CACHD1: variants seen among roughly 807,000 people sequenced by gnomAD.
CACHD1 encodes the protein cache domain containing 1.
Under a neutral mutation model 138.7 loss-of-function variants are expected in CACHD1, and 71 were observed. The ratio of observed to expected loss-of-function variants is 0.51; its 90% CI spans 0.42 to 0.62. CACHD1 has a LOEUF of 0.62. Among genes scored for constraint, CACHD1 ranks in the 20% least tolerant of loss-of-function variants. CACHD1 has a pLI of 0.00. For synonymous variants in CACHD1, 578 were observed against 591.5 expected, an observed-to-expected ratio of 0.98 and a Z score of 0.33; for missense variants, 1,389 against 1,625.3, an observed-to-expected ratio of 0.85 and a Z score of 2.50.
chr1:64,578,878 C>T (rs1236262347), intron 2 of CACHD1, among the ~76,000 whole-genome samples: 1 of 152,130 alleles, frequency 6.6e-6, no homozygotes, highest in Middle Eastern at 3.2e-3. Flanking sequence ...CTAGTAGAAG[C>T]CATCATAAGC....
At chr1:64,605,249 G>A (rs560038677) in intron 4 of CACHD1, among the ~76,000 whole-genome samples, 1 of 152,248 alleles carries the variant, frequency 6.6e-6, no homozygotes, top group East Asian at 1.9e-4. Flanking sequence ...ACAAGCATGA[G>A]CCACCGTGCC....
intron 6 of CACHD1, 97 bp from the exon 7 acceptor site, chr1:64,633,947 C>T: frequency 1.2e-6 from 1 of 862,434 alleles, no homozygotes; most frequent in South Asian, 1.8e-5. Context: ...TTCTGTAGGC[C>T]TTCTTACTCC....
At chr1:64,637,538 C>T (rs1318341429) in intron 7 of CACHD1, among the ~76,000 whole-genome samples, 2 of 152,220 alleles carry the variant, frequency 1.3e-5, no homozygotes, top group Non-Finnish European at 2.9e-5. Context: ...CATTCCTGCA[C>T]TGCACATGAG....
chr1:64,654,124 A>C (rs1649190530), intron 11 of CACHD1, among the ~76,000 whole-genome samples: 1 of 152,188 alleles, frequency 6.6e-6, no homozygotes, highest in Non-Finnish European at 1.5e-5. Context: ...TTTTATGTTC[A>C]CATTGACTTT....
chr1:64,488,022 C>T (rs1646253526), intron 1 of CACHD1, among the ~76,000 whole-genome samples: 1 of 152,260 alleles, frequency 6.6e-6, no homozygotes, highest in Admixed American at 6.5e-5. Flanking sequence ...TTTGACCAAT[C>T]TCTGTTTGTC....
At chr1:64,548,391 A>G (rs1646733621) in intron 1 of CACHD1, among the ~76,000 whole-genome samples, 1 of 152,250 alleles carries the variant, frequency 6.6e-6, no homozygotes, top group Admixed American at 6.5e-5. Context: ...GTTACTTTTA[A>G]TACAAATGTA....
rs747006545 is a variant in CACHD1 at position 64,632,659 on chromosome 1, C to T, written c.705C>T (p.His235=). ...QSKHIVVILD[H]GASVTDTQLQ... ...AGCACATAGTAGTGATTCTGGACCA[C>T]GGGGCTTCAGTCACAGACACTCAGC... The change falls in exon 6 of 27, where the codon CAC becomes CAT. Residue 235 remains histidine (H), a synonymous_variant. Transcript: ENST00000651257. 7.4e-6 allele frequency: 12 copies of T among 1,614,146 alleles called. No homozygotes were observed. Among genetic ancestry groups the T allele is most frequent in the South Asian group, 2.2e-5 (2 of 91,080 alleles).
At chr1:64,591,645 C>G (rs1557509199) in intron 3 of CACHD1, among the ~76,000 whole-genome samples, 1 of 152,146 alleles carries the variant, frequency 6.6e-6, no homozygotes, top group African/African-American at 2.4e-5. Context: ...AATGATGAGA[C>G]CTGAACTTTA....
chr1:64,490,615 A>G (rs1476196325), intron 1 of CACHD1, among the ~76,000 whole-genome samples: 1 of 152,184 alleles, frequency 6.6e-6, no homozygotes, highest in African/African-American at 2.4e-5. Context: ...GGGTGGTGCA[A>G]TGCCTTGCTA....
At chr1:64,501,047 C>CAA (rs367553078) in intron 1 of CACHD1, among the ~76,000 whole-genome samples, 27 of 105,216 alleles carry the variant, frequency 2.6e-4, no homozygotes, top group Middle Eastern at 5.6e-3. Context: ...GATTCTGTCT[C>CAA]AAAAAAAAAA....
intron 8 of CACHD1, among the ~76,000 whole-genome samples, chr1:64,643,646 C>T (rs1471259571): frequency 6.6e-5 from 10 of 152,120 alleles, no homozygotes; most frequent in South Asian, 4.1e-4. Flanking sequence ...ACCATCCTGG[C>T]TAACACGGTG....
At position 64,470,879 on chromosome 1, in the gene CACHD1, G is replaced by C. The variant is rs1416674235; in HGVS notation, c.135G>C (p.Ala45=). 1.2e-6 allele frequency: 2 copies of C among 1,607,302 alleles called. No individual in the cohort carries two copies. Among genetic ancestry groups the C allele is most frequent in the Non-Finnish European group, 1.7e-6 (2 of 1,178,550 alleles). Residue 45 remains alanine, a synonymous_variant, in exon 1 of 27, where the codon GCG becomes GCC. Transcript: ENST00000651257. This position sits in a 1 kb window ranked among gnomAD's most constrained non-coding sequence, Gnocchi z 5.2. ...CCGACTTCTCCATCCTGGACGAGGC[G>C]CAAGTGCTGGCGAGCCAGATGCGGA... ...AEADFSILDE[A]QVLASQMRRL...
In CACHD1 at chr1:64,692,283, TGAA is replaced by T. The variant is rs1286513667; in HGVS notation, c.*726_*728del. 2 of 152,214 alleles carry T rather than the reference TGAA, an allele frequency of 1.3e-5. No homozygotes were observed. Among genetic ancestry groups the T allele is most frequent in the African/African-American group, 4.8e-5 (2 of 41,440 alleles). 9.4% of individuals were successfully genotyped at this position (152,214 alleles called of 1,614,324 possible). A position where few individuals can be genotyped will look rare whatever the true frequency, so the allele number is the denominator to read the frequency against. Reference sequence around the variant, plus strand: ...TGCCCCACTCCACAAAATAGGAAAATGAAGAAATCTTTCTCTCTGACTTGTTTA... The same window carrying T: ...TGCCCCACTCCACAAAATAGGAAAATGAAATCTTTCTCTCTGACTTGTTTA... On this transcript the variant is annotated 3_prime_UTR_variant, in exon 27 of 27. Coordinates refer to ENST00000651257, the MANE Select transcript of CACHD1 (RefSeq NM_020925.4).
chr1:64,650,105 T>A (rs558454134), intron 9 of CACHD1, among the ~76,000 whole-genome samples: 1 of 152,362 alleles, frequency 6.6e-6, no homozygotes, highest in South Asian at 2.1e-4. Context: ...ATTGAGGATT[T>A]TGTCAATATA....
chr1:64,619,027 A>G (rs1647815556), intron 4 of CACHD1, among the ~76,000 whole-genome samples: 1 of 152,164 alleles, frequency 6.6e-6, no homozygotes, highest in Admixed American at 6.6e-5. Context: ...GCAACCCAAC[A>G]AAAATCCATC....
At chr1:64,595,756 C>T (rs531775259) in intron 3 of CACHD1, among the ~76,000 whole-genome samples, 1 of 152,176 alleles carries the variant, frequency 6.6e-6, no homozygotes, top group Non-Finnish European at 1.5e-5. Context: ...AAGTGAGACA[C>T]AAGGTCACAG....
rs955233588 is a variant in CACHD1 at position 64,682,590 on chromosome 1, G to T, written c.3586+484G>T. On this transcript the variant is annotated intron_variant, in intron 26 of 26. Coordinates refer to ENST00000651257, the MANE Select transcript of CACHD1 (RefSeq NM_020925.4). ...GCCTTGAGGGGGTGATTAAAGAAAA[G>T]GTAGGGGCAAAGAATATTAGAGGCC... Among the ~76,000 whole-genome samples, 3 of 152,318 alleles carry T rather than the reference G, an allele frequency of 2.0e-5. No individual in the cohort carries two copies. The South Asian group carries it at 6.2e-4, about 32-fold the overall frequency.
intron 21 of CACHD1, 56 bp downstream of exon 21, chr1:64,676,039 T>A (rs1055271288): frequency 2.2e-6 from 1 of 447,760 alleles, no homozygotes; most frequent in Non-Finnish European, 3.3e-6. Flanking sequence ...ATAATAATAA[T>A]ACATATGTAA....
intron 24 of CACHD1, among the ~76,000 whole-genome samples, chr1:64,680,449 T>C (rs1650135957): frequency 6.6e-6 from 1 of 151,872 alleles, no homozygotes; most frequent in Non-Finnish European, 1.5e-5. Flanking sequence ...GATCGCGCCA[T>C]TGCATTCCAT....
Sources: allele counts gnomAD v4.1 joint callset (sites outside exome capture counted in the v4.1 genomes callset), GRCh38; gene constraint gnomAD v4.1.1; non-coding constraint Gnocchi (gnomAD v3.1); transcripts MANE v1.5; gene names NCBI Gene and HGNC (gene_info 2026-07-23, HGNC 2026-07-21).